The following FGF12 variants were observed in gnomAD, a reference collection of about 807,000 sequenced individuals.
FGF12 encodes the protein fibroblast growth factor 12, also known as fibroblast growth factor 12B.
FGF12 carries 14 observed loss-of-function variants against 23.6 expected under a neutral mutation model. The ratio of observed to expected loss-of-function variants is 0.59; its 90% CI spans 0.39 to 0.93. FGF12 has a LOEUF of 0.93. Among genes scored for constraint, FGF12 ranks in the 40% least tolerant of loss-of-function variants. FGF12 has a pLI of 0.00. For missense variants in FGF12, 175 were observed against 217.8 expected (o/e 0.80, Z 1.24); for synonymous variants, 62 against 77.3 (o/e 0.80, Z 1.04).
chr3:192,470,855 G>C (rs557480622), intron 2 of FGF12, among the ~76,000 whole-genome samples: 1 of 152,198 alleles, frequency 6.6e-6, no homozygotes, highest in Non-Finnish European at 1.5e-5. Context: ...AATGAAGCAT[G>C]ACCTCCTTGG....
At chr3:192,220,772 G>T (rs1718428377) in intron 4 of FGF12, among the ~76,000 whole-genome samples, 3 of 152,074 alleles carry the variant, frequency 2.0e-5, no homozygotes, top group Admixed American at 2.0e-4. Flanking sequence ...TAGAAATTTG[G>T]GGGTATAAAT....
intron 3 of FGF12, among the ~76,000 whole-genome samples, chr3:192,337,583 T>G (rs190681949): frequency 1.3e-5 from 2 of 152,262 alleles, no homozygotes; most frequent in East Asian, 3.9e-4. Context: ...GATTATGAGA[T>G]TTGCAGACAC....
At chr3:192,658,684 T>G (rs1716537773) in intron 2 of FGF12, among the ~76,000 whole-genome samples, 1 of 142,778 alleles carries the variant, frequency 7.0e-6, no homozygotes, top group Non-Finnish European at 1.5e-5. Flanking sequence ...TGAAAATAAT[T>G]TATTTGTCCA....
At position 192,542,747 on chromosome 3, in the gene FGF12, A is replaced by G. The variant is rs1246475804; in HGVS notation, c.14-182209T>C. Among the ~76,000 whole-genome samples the G allele has an allele frequency of 4.0e-5, 6 of 151,890 alleles. No individual in the cohort carries two copies. In the South Asian group the frequency reaches 8.4e-4, roughly 21 times the overall value. ...GGAGCACCCCAAGCCCAGTAACAAT[A>G]TGGTTCTTGCAGACTTATAGAGATA... On this transcript the variant is annotated intron_variant, in intron 2 of 5. Coordinates refer to ENST00000445105, the MANE Select transcript of FGF12 (RefSeq NM_004113.6).
chr3:192,154,857 C>A (rs371070383), intron 5 of FGF12, among the ~76,000 whole-genome samples: 9 of 142,366 alleles, frequency 6.3e-5, no homozygotes, highest in African/African-American at 1.6e-4. Flanking sequence ...TCGAGCTTCC[C>A]GGCTGCTTTG....
chr3:192,433,260 C>T (rs1427438721), intron 2 of FGF12, among the ~76,000 whole-genome samples: 1 of 152,148 alleles, frequency 6.6e-6, no homozygotes, highest in African/African-American at 2.4e-5. Context: ...TCTCCTGATC[C>T]TCATTTTAGA....
intron 2 of FGF12, among the ~76,000 whole-genome samples, chr3:192,712,243 G>A (rs1718712062): frequency 6.6e-6 from 1 of 151,376 alleles, no homozygotes; most frequent in Non-Finnish European, 1.5e-5. Context: ...ATATAAACAA[G>A]TAAGATTTCC....
intron 2 of FGF12, among the ~76,000 whole-genome samples, chr3:192,412,658 A>C (rs976721971): frequency 6.6e-6 from 1 of 152,248 alleles, no homozygotes; most frequent in Non-Finnish European, 1.5e-5. Context: ...AAGAAATTTA[A>C]GAAGTTAGCT....
At chr3:192,490,157 A>G (rs889982594) in intron 2 of FGF12, among the ~76,000 whole-genome samples, 1 of 151,976 alleles carries the variant, frequency 6.6e-6, no homozygotes, top group Admixed American at 6.6e-5. Flanking sequence ...CTTCTAAAGA[A>G]AAGTCTCACC....
At chr3:192,643,543 A>G (rs1480818310) in intron 2 of FGF12, among the ~76,000 whole-genome samples, 1 of 152,152 alleles carries the variant, frequency 6.6e-6, no homozygotes, top group African/African-American at 2.4e-5. Context: ...GCCATGTTGT[A>G]TTACACTATT....
intron 4 of FGF12, among the ~76,000 whole-genome samples, chr3:192,301,648 A>C (rs1715354962): frequency 6.6e-6 from 1 of 152,170 alleles, no homozygotes; most frequent in African/African-American, 2.4e-5. Flanking sequence ...TTTGACCTGT[A>C]AGATGAGCAC....
rs1289003797 is a variant in FGF12, at chr3:192,139,428, AATTT to A, written c.*4577_*4580del. On this transcript the variant is annotated 3_prime_UTR_variant, in exon 6 of 6. Transcript: ENST00000445105. ...TGCTTTAATGGAAAAATGAAACATT[AATTT>A]GTTTAGTTTCTCATACAACATGTTT... The A allele has an allele frequency of 6.6e-6, 1 of 152,196 alleles. No individual in the cohort carries two copies. Among genetic ancestry groups the A allele is most frequent in the African/African-American group, 2.4e-5 (1 of 41,462 alleles). 9.4% of individuals were successfully genotyped at this position (152,196 alleles called of 1,614,324 possible).
At chr3:192,708,586 T>C (rs1718564924) in intron 2 of FGF12, among the ~76,000 whole-genome samples, 1 of 152,164 alleles carries the variant, frequency 6.6e-6, no homozygotes. Flanking sequence ...ATGCTTAACA[T>C]GTGCCAAGCC....
intron 2 of FGF12, among the ~76,000 whole-genome samples, chr3:192,384,456 A>C (rs1166289900): frequency 1.3e-5 from 2 of 152,136 alleles, no homozygotes; most frequent in African/African-American, 4.8e-5. Flanking sequence ...AGAACACAGG[A>C]GATTGGTCTT....
At chr3:192,346,968 C>G (rs1379581779) in intron 3 of FGF12, among the ~76,000 whole-genome samples, 1 of 151,966 alleles carries the variant, frequency 6.6e-6, no homozygotes, top group Non-Finnish European at 1.5e-5. Context: ...ATTTGGAATG[C>G]AAACTTTAAA....
At chr3:192,516,899 A>C (rs1262618101) in intron 2 of FGF12, 1 of 152,230 alleles carries the variant, frequency 6.6e-6, no homozygotes, top group Non-Finnish European at 1.5e-5. Flanking sequence ...TAGTGAGAAA[A>C]TTGGCTCATC....
chr3:192,297,564 C>T (rs1161775798), intron 4 of FGF12, among the ~76,000 whole-genome samples: 1 of 152,188 alleles, frequency 6.6e-6, no homozygotes, highest in Non-Finnish European at 1.5e-5. Context: ...TTCCCTGGCA[C>T]ATCACCCACA....
chr3:192,144,797 A>G (rs1271948806), intron 5 of FGF12, among the ~76,000 whole-genome samples: 1 of 152,198 alleles, frequency 6.6e-6, no homozygotes, highest in Admixed American at 6.5e-5. Context: ...TGTAAAGTTC[A>G]GTCATCTGTG....
chr3:192,685,297 C>T (rs1260576399), intron 2 of FGF12, among the ~76,000 whole-genome samples: 1 of 152,098 alleles, frequency 6.6e-6, no homozygotes, highest in Admixed American at 6.6e-5. Flanking sequence ...GTGATCCGCC[C>T]GCCTCGGCCT....
Sources: gnomAD v4.1 joint callset for allele counts (sites outside exome capture counted in the v4.1 genomes callset) on GRCh38, gnomAD v4.1.1 for gene constraint, MANE v1.5 for transcripts, NCBI Gene and HGNC (gene_info 2026-07-23, HGNC 2026-07-21) for gene names.